The following BMPR1B variants were observed in gnomAD, a reference collection of about 807,000 sequenced individuals.
The protein encoded by BMPR1B is bone morphogenetic protein receptor type-1B.
A neutral mutation model predicts 59.1 loss-of-function variants in BMPR1B; 12 were observed. That is an observed-to-expected ratio of 0.20 (90% confidence interval 0.13 to 0.33). BMPR1B has a LOEUF of 0.33. Among genes scored for constraint, BMPR1B ranks in the 10% least tolerant of loss-of-function variants. The probability of loss-of-function intolerance (pLI) is 1.00; values close to 1 mark genes in which losing one functional copy is unlikely to be tolerated. For missense variants in BMPR1B, 550 were observed against 610.9 expected, an observed-to-expected ratio of 0.90 and a Z score of 1.05; for synonymous variants, 237 against 207.3, an observed-to-expected ratio of 1.14 and a Z score of -1.23.
intron 3 of BMPR1B, among the ~76,000 whole-genome samples, chr4:95,057,435 C>T (rs959782855): frequency 5.9e-5 from 9 of 151,974 alleles, no homozygotes; most frequent in African/African-American, 1.9e-4. Flanking sequence ...TTAGTAGAGA[C>T]GGGGTTTCAC....
intron 1 of BMPR1B, among the ~76,000 whole-genome samples, chr4:94,758,704 C>G (rs1415964206): frequency 1.3e-5 from 2 of 151,818 alleles, no homozygotes; most frequent in African/African-American, 4.8e-5. Flanking sequence ...TCCTGCTTCT[C>G]TCTCTCTATG....
intron 4 of BMPR1B, among the ~76,000 whole-genome samples, 193 bp downstream of exon 4, chr4:95,104,760 T>C (rs1294817722): frequency 6.6e-6 from 1 of 152,068 alleles, no homozygotes; most frequent in Non-Finnish European, 1.5e-5. Context: ...TCTAAGCTTC[T>C]TTTTGATCCC....
At chr4:95,135,152 G>T (rs535971054) in intron 10 of BMPR1B, among the ~76,000 whole-genome samples, 14 of 152,280 alleles carry the variant, frequency 9.2e-5, no homozygotes, top group African/African-American at 3.4e-4. Flanking sequence ...TCTCAGGTTT[G>T]TCAAGGGTCA....
intron 2 of BMPR1B, among the ~76,000 whole-genome samples, chr4:94,924,428 T>C (rs907016470): frequency 2.0e-5 from 3 of 152,080 alleles, no homozygotes; most frequent in Admixed American, 6.6e-5. Context: ...ATAAGGATAC[T>C]TGGGGGCATT....
chr4:95,120,762 T>C (rs1311254820), intron 6 of BMPR1B, among the ~76,000 whole-genome samples: 5 of 149,766 alleles, frequency 3.3e-5, no homozygotes, highest in Non-Finnish European at 5.9e-5. Context: ...TCTCTCTCTC[T>C]CCCTCCCTTC....
chr4:95,127,044 CTG>C (rs6148578), intron 8 of BMPR1B, among the ~76,000 whole-genome samples: 105 of 146,294 alleles, frequency 7.2e-4, no homozygotes, highest in African/African-American at 1.3e-3. Context: ...AGAATTAAGA[CTG>C]TGTGTGTGTG....
chr4:94,788,965 C>G (rs1009948120), intron 1 of BMPR1B, among the ~76,000 whole-genome samples: 3 of 152,170 alleles, frequency 2.0e-5, no homozygotes, highest in African/African-American at 7.2e-5. Context: ...CCAGCCTCCC[C>G]TGAGGTGATG....
chr4:95,145,513 T>C (rs1380732600), intron 10 of BMPR1B, among the ~76,000 whole-genome samples: 1 of 152,214 alleles, frequency 6.6e-6, no homozygotes, highest in Non-Finnish European at 1.5e-5. Flanking sequence ...CTGACTCTAC[T>C]TCCATTCCCT....
At chr4:94,783,199 T>C (rs1722646351) in intron 1 of BMPR1B, among the ~76,000 whole-genome samples, 1 of 152,200 alleles carries the variant, frequency 6.6e-6, no homozygotes, top group Non-Finnish European at 1.5e-5. Context: ...GTTGTGACAG[T>C]GCTCCAGTCA....
At chr4:94,912,378 C>A (rs1449082781) in intron 2 of BMPR1B, among the ~76,000 whole-genome samples, 1 of 152,056 alleles carries the variant, frequency 6.6e-6, no homozygotes, top group Admixed American at 6.6e-5. Context: ...GGGAGTGGGC[C>A]TGGCTCCATG....
chr4:94,874,499 T>C (rs1199888113), intron 1 of BMPR1B, among the ~76,000 whole-genome samples: 1 of 152,148 alleles, frequency 6.6e-6, no homozygotes, highest in Admixed American at 6.5e-5. Flanking sequence ...CATATGTAAA[T>C]ATAGAAAAAT....
intron 2 of BMPR1B, among the ~76,000 whole-genome samples, chr4:94,956,599 A>G (rs1000128962): frequency 6.6e-6 from 1 of 152,214 alleles, no homozygotes; most frequent in Non-Finnish European, 1.5e-5. Flanking sequence ...TTTATAGAAT[A>G]GAGTTCTGCA....
chr4:95,090,768 T>C (rs1338617740), intron 3 of BMPR1B, among the ~76,000 whole-genome samples: 1 of 152,110 alleles, frequency 6.6e-6, no homozygotes, highest in Non-Finnish European at 1.5e-5. Flanking sequence ...AACTTGACTC[T>C]AATAAATATT....
At chr4:94,896,913 A>G (rs1727609112) in intron 2 of BMPR1B, among the ~76,000 whole-genome samples, 1 of 152,052 alleles carries the variant, frequency 6.6e-6, no homozygotes, top group Non-Finnish European at 1.5e-5. Context: ...AAGATTTAGT[A>G]TCTCCATAGT....
rs778257341 is a variant in BMPR1B at position 95,148,776 on chromosome 4, A to G, written c.1105A>G (p.Asn369Asp). ...SDTNEVDIPP[N>D]TRVGTKRYMP... is the part of the protein sequence containing the mutation. ...TACAAATGAAGTTGACATACCACCT[A>G]ACACTCGAGTTGGCACCAAACGCTA... The change falls in exon 11 of 13, where the codon AAC becomes GAC. Residue 369 changes from asparagine to aspartate, a missense_variant. Physicochemically the swap from Asn to Asp is conservative, Grantham distance 23. Coordinates refer to ENST00000515059, the MANE Select transcript of BMPR1B (RefSeq NM_001203.3). The G allele has an allele frequency of 2.8e-5, 45 of 1,613,866 alleles. No homozygotes were observed. Among genetic ancestry groups the G allele is most frequent in the Admixed American group, 2.0e-4 (12 of 59,972 alleles).
At chr4:94,882,070 A>G (rs1026972161) in intron 2 of BMPR1B, among the ~76,000 whole-genome samples, 1 of 152,110 alleles carries the variant, frequency 6.6e-6, no homozygotes, top group Non-Finnish European at 1.5e-5. Context: ...AATCTAATGG[A>G]CAGCCAGTTT....
intron 2 of BMPR1B, among the ~76,000 whole-genome samples, chr4:94,966,395 T>A (rs958825830): frequency 1.1e-4 from 17 of 152,106 alleles, no homozygotes; most frequent in Non-Finnish European, 2.2e-4. Flanking sequence ...GGAACAAAAA[T>A]AGCATCAGGA....
intron 1 of BMPR1B, among the ~76,000 whole-genome samples, chr4:94,781,749 C>T (rs377349353): frequency 1.2e-4 from 18 of 152,104 alleles, no homozygotes; most frequent in South Asian, 2.1e-4. Context: ...CCTTCATTTT[C>T]GAAAGATAGT....
chr4:95,108,792 C>T (rs919145760), intron 4 of BMPR1B, among the ~76,000 whole-genome samples: 9 of 152,074 alleles, frequency 5.9e-5, no homozygotes, highest in Non-Finnish European at 1.3e-4. Flanking sequence ...CTCTCTCCCT[C>T]GAGATACCAT....
Sources: gnomAD v4.1 joint callset for allele counts (sites outside exome capture counted in the v4.1 genomes callset) on GRCh38, gnomAD v4.1.1 for gene constraint, MANE v1.5 for transcripts, NCBI Gene and HGNC (gene_info 2026-07-23, HGNC 2026-07-21) for gene names.